HIP1: variants seen among roughly 807,000 people sequenced by gnomAD.
HIP1 encodes the protein huntingtin-interacting protein 1.
HIP1 carries 65 observed loss-of-function variants against 147.6 expected under a neutral mutation model. The observed-to-expected ratio is 0.44, with a 90% CI of 0.36 to 0.54. HIP1 has a LOEUF of 0.54. Ranked by LOEUF, HIP1 falls within the 20% of genes least tolerant of loss-of-function variation. The pLI is 0.00. For synonymous variants in HIP1, 479 were observed against 504.0 expected (o/e 0.95, Z 0.67); for missense variants, 1,061 against 1,299.6 (o/e 0.82, Z 2.82).
At position 75,538,107 on chromosome 7, in the gene HIP1, G is replaced by A; in HGVS notation, c.*65C>T. 1 of 1,371,366 alleles carries A rather than the reference G, an allele frequency of 7.3e-7. No individual in the cohort carries two copies. The highest frequency in any genetic ancestry group is 1.0e-6 in the Non-Finnish European group (1 of 959,004). The allele number at this position is 1,371,366 out of a possible 1,614,324, so 84.9% of individuals were successfully genotyped here. ...ACTCCAAGGATTTGGCCTGTGGCTG[G>A]GGAAATAACACACACGAGATAGGTA... On this transcript the variant is annotated 3_prime_UTR_variant, in exon 31 of 31. Coordinates refer to ENST00000336926, the MANE Select transcript of HIP1 (RefSeq NM_005338.7).
chr7:75,666,452 G>C (rs1258943659), intron 1 of HIP1, among the ~76,000 whole-genome samples: 1 of 152,140 alleles, frequency 6.6e-6, no homozygotes, highest in Admixed American at 6.6e-5. Flanking sequence ...TTACAGGCGT[G>C]AGCCACCGTG....
intron 22 of HIP1, 45 bp downstream of exon 22, chr7:75,553,408 A>G (rs781949166): frequency 6.2e-7 from 1 of 1,600,538 alleles, no homozygotes; most frequent in Non-Finnish European, 8.5e-7. Context: ...CAGCACGCAC[A>G]CCCAGAAGAA....
At chr7:75,605,989 A>G (rs1273396008) in intron 1 of HIP1, among the ~76,000 whole-genome samples, 1 of 152,048 alleles carries the variant, frequency 6.6e-6, no homozygotes, top group Non-Finnish European at 1.5e-5. Flanking sequence ...AGCTGGGACC[A>G]CAGGCACATA....
At chr7:75,651,244 G>A (rs1463104561) in intron 1 of HIP1, among the ~76,000 whole-genome samples, 2 of 151,770 alleles carry the variant, frequency 1.3e-5, no homozygotes, top group Admixed American at 6.6e-5. Flanking sequence ...CCGATCACGA[G>A]GTCAGGAGTT....
intron 1 of HIP1, among the ~76,000 whole-genome samples, chr7:75,621,727 C>T (rs1018163760): frequency 2.0e-5 from 3 of 152,108 alleles, no homozygotes; most frequent in Non-Finnish European, 2.9e-5. Flanking sequence ...GGTGTCGAGA[C>T]GTGGTCGGTC....
intron 4 of HIP1, among the ~76,000 whole-genome samples, chr7:75,587,785 G>A (rs1471235019): frequency 5.9e-5 from 9 of 152,090 alleles, no homozygotes; most frequent in African/African-American, 1.4e-4. Flanking sequence ...CCAACATGGC[G>A]AAACCCCATC....
At chr7:75,614,403 A>G (rs1797560347) in intron 1 of HIP1, among the ~76,000 whole-genome samples, 1 of 152,182 alleles carries the variant, frequency 6.6e-6, no homozygotes, top group Non-Finnish European at 1.5e-5. Context: ...ACACACACAC[A>G]CACACACAGT....
At chr7:75,590,898 A>G (rs1389581674) in intron 4 of HIP1, among the ~76,000 whole-genome samples, 1 of 152,180 alleles carries the variant, frequency 6.6e-6, no homozygotes, top group African/African-American at 2.4e-5. Context: ...TTCCTCACCT[A>G]TGATAGGTAG....
At chr7:75,608,643 C>G (rs1554504287) in intron 1 of HIP1, among the ~76,000 whole-genome samples, 6 of 152,146 alleles carry the variant, frequency 3.9e-5, no homozygotes. Flanking sequence ...GAGGCTTGAA[C>G]CTAGACCAAT....
chr7:75,694,577 C>T (rs1317666440), intron 1 of HIP1, among the ~76,000 whole-genome samples: 1 of 144,682 alleles, frequency 6.9e-6, no homozygotes, highest in East Asian at 2.0e-4. Flanking sequence ...GTGGTGTGAT[C>T]ACAGCACACT....
intron 1 of HIP1, among the ~76,000 whole-genome samples, chr7:75,690,326 G>A (rs1554518010): frequency 5.9e-5 from 9 of 151,962 alleles, no homozygotes. Context: ...TCATTTCTCT[G>A]AAGAAGACAT....
At chr7:75,714,420 C>T (rs13231091) in intron 1 of HIP1, among the ~76,000 whole-genome samples, 81,808 of 151,384 alleles carry the variant, frequency 0.54, 22,681 homozygotes, top group African/African-American at 0.65. Flanking sequence ...CACCCTTTGC[C>T]CAGTTTCCCC....
chr7:75,647,039 G>A (rs997888532), intron 1 of HIP1, among the ~76,000 whole-genome samples: 4 of 151,812 alleles, frequency 2.6e-5, no homozygotes, highest in Non-Finnish European at 5.9e-5. Flanking sequence ...TAGAGGCTCC[G>A]AGTACCCCTC....
At chr7:75,647,211 C>CAAAAAAAAAAAAAAAAAAAAAAA (rs60972195) in intron 1 of HIP1, among the ~76,000 whole-genome samples, 6 of 58,002 alleles carry the variant, frequency 1.0e-4, no homozygotes, top group East Asian at 6.5e-4. Flanking sequence ...ACTAAAAATA[C>CAAAAAAAAAAAAAAAAAAAAAAA]AAAAAAAAAA....
At chr7:75,704,348 G>C (rs782438441) in intron 1 of HIP1, among the ~76,000 whole-genome samples, 2 of 151,890 alleles carry the variant, frequency 1.3e-5, no homozygotes, top group African/African-American at 4.8e-5. Flanking sequence ...CGGTTCAAGC[G>C]ATTCTCCTGC....
In HIP1 at chr7:75,540,169, C is replaced by T. The variant is rs138241029; in HGVS notation, c.2953-738G>A. ...CTGGCCGGGCATGGTGGCTTATGCC[C>T]GTAATCCCAGCACTTTGGGAGGCCA... On this transcript the variant is annotated intron_variant, in intron 29 of 30. Transcript: ENST00000336926. 7.4e-3 allele frequency among the ~76,000 whole-genome samples: 1,119 copies of T among 151,444 alleles called. 4 individuals are homozygous for T. The highest frequency in any genetic ancestry group is 0.034 in the Middle Eastern group (10 of 292).
intron 1 of HIP1, among the ~76,000 whole-genome samples, chr7:75,656,436 A>AG (rs1799144344): frequency 6.6e-6 from 1 of 151,456 alleles, no homozygotes; most frequent in African/African-American, 2.4e-5. Context: ...AAACTTAGAA[A>AG]AAAAAAAAAA....
intron 1 of HIP1, among the ~76,000 whole-genome samples, chr7:75,713,445 A>G (rs1465800188): frequency 2.0e-5 from 3 of 152,192 alleles, no homozygotes; most frequent in Non-Finnish European, 4.4e-5. Context: ...AAATTTCTGC[A>G]AGGCTGCTTA....
intron 1 of HIP1, among the ~76,000 whole-genome samples, chr7:75,717,999 G>A (rs1801375470): frequency 6.6e-6 from 1 of 151,430 alleles, no homozygotes; most frequent in South Asian, 2.1e-4. Context: ...AGAATTAGCT[G>A]GGGCCAGTCA....
Sources: gnomAD v4.1 joint callset for allele counts (sites outside exome capture counted in the v4.1 genomes callset) on GRCh38, gnomAD v4.1.1 for gene constraint, MANE v1.5 for transcripts, NCBI Gene and HGNC (gene_info 2026-07-23, HGNC 2026-07-21) for gene names.